The following UBASH3B variants were observed in gnomAD, a reference collection of about 807,000 sequenced individuals.
The protein encoded by UBASH3B is ubiquitin-associated and SH3 domain-containing protein B.
In UBASH3B, 37 loss-of-function variants were observed where a neutral mutation model predicts 83.4. The ratio of observed to expected loss-of-function variants is 0.44; its 90% CI spans 0.34 to 0.58. The LOEUF (loss-of-function observed/expected upper bound fraction) is 0.58. Ranked by LOEUF, UBASH3B falls within the 20% of genes least tolerant of loss-of-function variation. UBASH3B has a pLI of 0.01. For synonymous variants in UBASH3B, 304 were observed against 318.3 expected, an observed-to-expected ratio of 0.96 and a Z score of 0.48; for missense variants, 657 against 827.2, an observed-to-expected ratio of 0.79 and a Z score of 2.52.
chr11:122,786,266 GTCTCGA>G (rs1398085240), intron 5 of UBASH3B, among the ~76,000 whole-genome samples: 4 of 151,938 alleles, frequency 2.6e-5, no homozygotes, highest in African/African-American at 4.8e-5. Flanking sequence ...AGCCAGGATG[GTCTCGA>G]TCTCCTAACC....
chr11:122,775,871 G>A (rs1207858932), intron 1 of UBASH3B: 1 of 226,414 alleles, frequency 4.4e-6, no homozygotes, highest in Non-Finnish European at 8.5e-6. Context: ...AGGGATCTGG[G>A]TCACTAAGAA....
intron 1 of UBASH3B, among the ~76,000 whole-genome samples, chr11:122,714,345 A>G (rs964972377): frequency 2.6e-5 from 4 of 152,216 alleles, no homozygotes; most frequent in Admixed American, 6.5e-5. Flanking sequence ...AGGCCATTCA[A>G]TTCTCTCTAA....
intron 1 of UBASH3B, among the ~76,000 whole-genome samples, chr11:122,719,210 T>C (rs1356148382): frequency 2.0e-5 from 3 of 152,230 alleles, no homozygotes; most frequent in Non-Finnish European, 4.4e-5. Context: ...CGGCTAATAA[T>C]TGGGAGTGCC....
At chr11:122,749,341 T>C (rs568433124) in intron 1 of UBASH3B, among the ~76,000 whole-genome samples, 1 of 152,400 alleles carries the variant, frequency 6.6e-6, no homozygotes, top group South Asian at 2.1e-4. Context: ...AGACTTATTA[T>C]GCATTTACTA....
intron 1 of UBASH3B, among the ~76,000 whole-genome samples, chr11:122,728,469 C>G (rs960243944): frequency 6.6e-6 from 1 of 152,188 alleles, no homozygotes; most frequent in African/African-American, 2.4e-5. Flanking sequence ...TGGGGGCCAC[C>G]AGCCCAATTT....
chr11:122,770,424 G>T (rs1196667923), intron 1 of UBASH3B, among the ~76,000 whole-genome samples: 3 of 151,520 alleles, frequency 2.0e-5, no homozygotes, highest in Non-Finnish European at 2.9e-5. Flanking sequence ...GCTGGTCTGG[G>T]ATAACCTATC....
In UBASH3B at chr11:122,802,531, A is replaced by G. The variant is rs114300743; in HGVS notation, c.1595+1199A>G. Among the ~76,000 whole-genome samples, 1,228 of 152,164 alleles carry G rather than the reference A, an allele frequency of 8.1e-3. 25 individuals are homozygous for G. The highest frequency in any genetic ancestry group is 0.028 in the African/African-American group (1,146 of 41,474). The stretch of plus-strand genomic sequence containing the variant: ...TGATATCTGTTGACCTTTCATTTTA[A>G]ATACCTACCCAAACCACATTAAAGC... On this transcript the variant is annotated intron_variant, in intron 11 of 13. Transcript: ENST00000284273.
chr11:122,780,756 T>A (rs1183089401), intron 4 of UBASH3B, among the ~76,000 whole-genome samples: 1 of 151,972 alleles, frequency 6.6e-6, no homozygotes, highest in Non-Finnish European at 1.5e-5. Context: ...AGGCATGAGA[T>A]GGTGTGAGCA....
intron 1 of UBASH3B, among the ~76,000 whole-genome samples, chr11:122,715,963 CAG>C (rs1042254371): frequency 2.0e-5 from 3 of 152,246 alleles, no homozygotes; most frequent in Admixed American, 6.5e-5. Flanking sequence ...GCTCCAGAAA[CAG>C]AGGAGATTCA....
chr11:122,777,542 G>C (rs368778092), intron 3 of UBASH3B, among the ~76,000 whole-genome samples: 1 of 152,092 alleles, frequency 6.6e-6, no homozygotes, highest in African/African-American at 2.4e-5. Context: ...CCACTCTTAC[G>C]ACAAGCAAAG....
chr11:122,732,303 C>T (rs1860857112), intron 1 of UBASH3B, among the ~76,000 whole-genome samples: 1 of 152,194 alleles, frequency 6.6e-6, no homozygotes, highest in Non-Finnish European at 1.5e-5. Flanking sequence ...CCCAGGTTGC[C>T]ATACCCTGAC....
intron 1 of UBASH3B, among the ~76,000 whole-genome samples, chr11:122,716,702 C>A (rs1384629495): frequency 2.6e-5 from 4 of 152,174 alleles, no homozygotes; most frequent in Non-Finnish European, 5.9e-5. Context: ...CCTTTCTCCA[C>A]CTGAAGGCAG....
At chr11:122,762,906 C>T (rs994138771) in intron 1 of UBASH3B, among the ~76,000 whole-genome samples, 1 of 152,226 alleles carries the variant, frequency 6.6e-6, no homozygotes, top group East Asian at 1.9e-4. Context: ...TAATAATGCA[C>T]AGGCATATGT....
In UBASH3B at chr11:122,744,562, C is replaced by CCACA. The variant is rs1861080680; in HGVS notation, c.162-31657_162-31656insCACA. On this transcript the variant is annotated intron_variant, in intron 1 of 13. Transcript: ENST00000284273. ...ATCATGTGATCATGTCTAAGAGTGC[C>CCACA]TGTGTGGGTGTGTGACTGTGTGTGA... Among the ~76,000 whole-genome samples, 3 of 151,608 alleles carry CCACA rather than the reference C, an allele frequency of 2.0e-5. No homozygotes were observed. The South Asian group carries it at 6.3e-4, about 32-fold the overall frequency.
At chr11:122,752,194 G>A (rs1399612650) in intron 1 of UBASH3B, among the ~76,000 whole-genome samples, 1 of 151,936 alleles carries the variant, frequency 6.6e-6, no homozygotes, top group East Asian at 1.9e-4. Flanking sequence ...AGGCCTTCAG[G>A]GTCAACCATC....
intron 1 of UBASH3B, among the ~76,000 whole-genome samples, chr11:122,696,225 CA>C (rs1863963062): frequency 6.6e-6 from 1 of 151,606 alleles, no homozygotes; most frequent in African/African-American, 2.4e-5. Context: ...GCTGGGATTA[CA>C]GGCATGAGCT....
At chr11:122,702,446 A>G (rs1864052715) in intron 1 of UBASH3B, among the ~76,000 whole-genome samples, 1 of 152,178 alleles carries the variant, frequency 6.6e-6, no homozygotes. Flanking sequence ...TGGAGATTTC[A>G]GAGAACCCTA....
At chr11:122,701,449 C>T (rs567818044) in intron 1 of UBASH3B, among the ~76,000 whole-genome samples, 8 of 152,248 alleles carry the variant, frequency 5.3e-5, no homozygotes, top group Non-Finnish European at 1.2e-4. Flanking sequence ...GCTGGTCACC[C>T]GATGGGGATG....
chr11:122,798,579 T>C (rs983494621), intron 9 of UBASH3B, among the ~76,000 whole-genome samples: 3 of 151,526 alleles, frequency 2.0e-5, no homozygotes, highest in African/African-American at 4.9e-5. Flanking sequence ...GGTGTGGTGG[T>C]GCGCGCCTGT....
Sources: allele counts gnomAD v4.1 joint callset (sites outside exome capture counted in the v4.1 genomes callset), GRCh38; gene constraint gnomAD v4.1.1; transcripts MANE v1.5; gene names NCBI Gene and HGNC (gene_info 2026-07-23, HGNC 2026-07-21).